Variants in APBA2 observed in about 807,000 individuals in gnomAD.
The protein encoded by APBA2 is amyloid-beta A4 precursor protein-binding family A member 2.
Under a neutral mutation model 75.0 loss-of-function variants are expected in APBA2, and 30 were observed. The ratio of observed to expected loss-of-function variants is 0.40; its 90% confidence interval spans 0.30 to 0.54. APBA2 has a LOEUF of 0.54. APBA2 is among the 20% of genes least tolerant of loss of function. The pLI, the probability that APBA2 is intolerant of heterozygous loss-of-function variation, is 0.49. For synonymous variants in APBA2, 444 were observed against 409.6 expected, an observed-to-expected ratio of 1.08 and a Z score of -1.01; for missense variants, 801 against 1,016.1, an observed-to-expected ratio of 0.79 and a Z score of 2.88.
chr15:29,098,870 A>G (rs538588698), intron 9 of APBA2, among the ~76,000 whole-genome samples: 3 of 152,232 alleles, frequency 2.0e-5, no homozygotes, highest in African/African-American at 7.2e-5. Flanking sequence ...GGGACAGAGG[A>G]GGCAGCAGCC....
chr15:29,045,069 T>TCTCTCTCTCTC (rs2041238928), intron 3 of APBA2, among the ~76,000 whole-genome samples: 13 of 82,882 alleles, frequency 1.6e-4, no homozygotes, highest in East Asian at 1.5e-3. Flanking sequence ...CCCTCCCTCC[T>TCTCTCTCTCTC]TCTCTCTCTC....
At position 28,886,053 on chromosome 15, in the gene APBA2, C is replaced by T. The variant is rs1391299795; in HGVS notation, c.-430C>T. ...CAGCCGCAGGCCGGTGCGGGATGCGCCCCGCAGCCGCGCCGCGTGCGCCCG... is the reference window on the plus strand; with the variant it reads ...CAGCCGCAGGCCGGTGCGGGATGCGTCCCGCAGCCGCGCCGCGTGCGCCCG... On this transcript the variant is annotated 5_prime_UTR_variant, in exon 1 of 15. Transcript: ENST00000683413. The T allele has an allele frequency of 6.7e-6, 1 of 149,082 alleles. No homozygotes were observed. Among genetic ancestry groups the T allele is most frequent in the Non-Finnish European group, 1.5e-5 (1 of 66,930 alleles). The allele number at this position is 149,082 out of a possible 1,614,324, so 9.2% of individuals were successfully genotyped here.
chr15:28,956,838 C>T (rs1485108925), intron 2 of APBA2, among the ~76,000 whole-genome samples: 1 of 152,184 alleles, frequency 6.6e-6, no homozygotes, highest in Non-Finnish European at 1.5e-5. Flanking sequence ...TATTTTGTGA[C>T]TGGCATATTT....
chr15:29,039,153 G>GTGTGTGTGTA (rs2040904060), intron 3 of APBA2, among the ~76,000 whole-genome samples: 1 of 136,794 alleles, frequency 7.3e-6, no homozygotes, highest in Non-Finnish European at 1.5e-5. Context: ...GTGTGTGTGT[G>GTGTGTGTGTA]TGTATCAGGG....
In APBA2 at chr15:29,109,757, A is replaced by G. The variant is rs185319449; in HGVS notation, c.2037+1368A>G. The stretch of plus-strand genomic sequence containing the variant: ...TACCTTCCCTGCTGTGTGACCCTCA[A>G]CAAGTCACTGAACGCTCACTGGATT... On this transcript the variant is annotated intron_variant, in intron 13 of 14. Transcript: ENST00000683413. 6.7e-4 allele frequency among the ~76,000 whole-genome samples: 102 copies of G among 152,342 alleles called. 1 individual carries two copies. The highest frequency in any genetic ancestry group is 2.4e-3 in the African/African-American group (101 of 41,582).
chr15:29,085,670 A>G (rs554351755), intron 6 of APBA2, among the ~76,000 whole-genome samples: 3 of 152,240 alleles, frequency 2.0e-5, no homozygotes, highest in South Asian at 2.1e-4. Flanking sequence ...TCTATGGCCA[A>G]TAAGAGCTTC....
At chr15:28,889,222 G>A (rs1005475556) in intron 1 of APBA2, among the ~76,000 whole-genome samples, 9 of 152,314 alleles carry the variant, frequency 5.9e-5, no homozygotes, top group Admixed American at 2.0e-4. Context: ...CTCCCCTGAA[G>A]CCAATCTTCC....
chr15:28,975,282 A>C, intron 2 of APBA2, among the ~76,000 whole-genome samples: 1 of 152,342 alleles, frequency 6.6e-6, no homozygotes, highest in South Asian at 2.1e-4. Flanking sequence ...CAAAGAACAG[A>C]TATCTCAATG....
rs188719852 is a variant in APBA2 at position 29,117,613 on chromosome 15, G to A, written c.*480G>A. The A allele has an allele frequency of 3.2e-3, 546 of 170,024 alleles. 6 individuals are homozygous for A. Among genetic ancestry groups the A allele is most frequent in the Admixed American group, 0.028 (500 of 17,666 alleles). The allele number at this position is 170,024 out of a possible 1,614,324, so 10.5% of individuals were successfully genotyped here. On this transcript the variant is annotated 3_prime_UTR_variant, in exon 15 of 15. Coordinates refer to ENST00000683413, the MANE Select transcript of APBA2 (RefSeq NM_001353788.2). ...CAGCTGCCTCTGCCACTGACTGCAG[G>A]GACACGGGCAGCCTGGCTCCCAGGA... is the stretch of plus-strand genomic sequence containing the variant.
chr15:28,947,420 C>T (rs116591732), intron 2 of APBA2, among the ~76,000 whole-genome samples: 1,621 of 152,288 alleles, frequency 0.011, 37 homozygotes, highest in African/African-American at 0.037. Flanking sequence ...TGCGTTCTCT[C>T]GGCTTCTTTT....
At chr15:29,023,135 A>T (rs1314136136) in intron 3 of APBA2, among the ~76,000 whole-genome samples, 1 of 152,138 alleles carries the variant, frequency 6.6e-6, no homozygotes, top group Admixed American at 6.6e-5. Context: ...TCTGAAAAAA[A>T]TGCCTCCTTC....
intron 1 of APBA2, among the ~76,000 whole-genome samples, chr15:28,899,342 G>A (rs985552100): frequency 1.3e-5 from 2 of 152,224 alleles, no homozygotes; most frequent in Non-Finnish European, 2.9e-5. Context: ...TGCCCCTTCC[G>A]GGTTGCCCCC....
intron 2 of APBA2, among the ~76,000 whole-genome samples, chr15:28,974,417 A>C (rs59390639): frequency 0.042 from 6,380 of 152,264 alleles, 271 homozygotes; most frequent in East Asian, 0.17. Context: ...AGCCTGAGAC[A>C]TGTGAAGGGG....
At chr15:28,941,524 AAGAG>A (rs1213782293) in intron 2 of APBA2, among the ~76,000 whole-genome samples, 1 of 150,896 alleles carries the variant, frequency 6.6e-6, no homozygotes, top group African/African-American at 2.4e-5. Flanking sequence ...AAAAAAAAAA[AAGAG>A]GTGGAAGCAC....
chr15:28,886,461 C>A (rs2031730648), intron 1 of APBA2, among the ~76,000 whole-genome samples, 183 bp downstream of exon 1: 2 of 148,648 alleles, frequency 1.3e-5, no homozygotes, highest in South Asian at 4.3e-4. Context: ...GGGGGTACAG[C>A]CCGGCGGCCC....
At chr15:28,993,934 G>A (rs1217749260) in intron 2 of APBA2, among the ~76,000 whole-genome samples, 1 of 152,202 alleles carries the variant, frequency 6.6e-6, no homozygotes, top group African/African-American at 2.4e-5. Flanking sequence ...GGAGAGGACA[G>A]GGGCTGGCAG....
At chr15:28,994,621 A>T (rs1353763060) in intron 2 of APBA2, among the ~76,000 whole-genome samples, 1 of 152,226 alleles carries the variant, frequency 6.6e-6, no homozygotes, top group Non-Finnish European at 1.5e-5. Flanking sequence ...TGGGGACCAG[A>T]AGTATCTTCC....
intron 2 of APBA2, among the ~76,000 whole-genome samples, chr15:28,945,378 T>C (rs1039443406): frequency 2.6e-5 from 4 of 152,166 alleles, no homozygotes; most frequent in African/African-American, 9.7e-5. Flanking sequence ...CTCTGGGTGA[T>C]GTCGTTGGGA....
At chr15:29,103,814 G>A (rs778522549) in intron 10 of APBA2, among the ~76,000 whole-genome samples, 14 of 152,184 alleles carry the variant, frequency 9.2e-5, no homozygotes, top group Non-Finnish European at 1.8e-4. Flanking sequence ...AGGCCTGGGG[G>A]CCGCCCTCCG....
Sources: gnomAD v4.1 joint callset for allele counts (sites outside exome capture counted in the v4.1 genomes callset) on GRCh38, gnomAD v4.1.1 for gene constraint, MANE v1.5 for transcripts, NCBI Gene and HGNC (gene_info 2026-07-23, HGNC 2026-07-21) for gene names.